The following SLC14A2 variants were observed in gnomAD, a reference collection of about 807,000 sequenced individuals.
The protein encoded by SLC14A2 is urea transporter 2.
Under a neutral mutation model 104.6 loss-of-function variants are expected in SLC14A2, and 91 were observed. The ratio of observed to expected loss-of-function variants is 0.87; its 90% confidence interval spans 0.73 to 1.04. The LOEUF is 1.04. Among genes scored for constraint, SLC14A2 ranks in the 50% least tolerant of loss-of-function variants. SLC14A2 has a pLI of 0.00. For missense variants in SLC14A2, 1,189 were observed against 1,156.0 expected (o/e 1.03, Z -0.41); for synonymous variants, 476 against 466.4 (o/e 1.02, Z -0.27).
At chr18:45,514,009 A>G (rs1470216145) in intron 2 of SLC14A2, among the ~76,000 whole-genome samples, 2 of 152,214 alleles carry the variant, frequency 1.3e-5, no homozygotes. Context: ...TACAGTTGCT[A>G]GTTTCATCTC....
chr18:45,626,838 GCTGAAT>G, intron 3 of SLC14A2, 114 bp from the exon 4 acceptor site: 1 of 699,912 alleles, frequency 1.4e-6, no homozygotes, highest in Non-Finnish European at 2.3e-6. Context: ...CCCTGGCCTG[GCTGAAT>G]GGGAAGGGTC....
intron 19 of SLC14A2, 40 bp from the exon 20 acceptor site, chr18:45,682,279 C>A (rs2046321351): frequency 6.3e-7 from 1 of 1,586,584 alleles, no homozygotes; most frequent in Non-Finnish European, 8.7e-7. Context: ...TGCACAGGCA[C>A]CTGATGTGAC....
chr18:45,380,482 C>T (rs563733350), intron 1 of SLC14A2, among the ~76,000 whole-genome samples: 1 of 152,218 alleles, frequency 6.6e-6, no homozygotes, highest in Admixed American at 6.5e-5. Flanking sequence ...AGATTGAATG[C>T]TATCAGAAAG....
intron 1 of SLC14A2, among the ~76,000 whole-genome samples, chr18:45,463,780 C>A (rs1335896298): frequency 6.6e-6 from 1 of 152,170 alleles, no homozygotes; most frequent in East Asian, 1.9e-4. Flanking sequence ...TATGGGCTAA[C>A]CTGCCATGTA....
intron 1 of SLC14A2, among the ~76,000 whole-genome samples, chr18:45,377,222 C>T (rs571489034): frequency 2.6e-5 from 4 of 152,052 alleles, no homozygotes; most frequent in Admixed American, 6.5e-5. Context: ...AGTGTCTCTT[C>T]TGGTTTCTGT....
intron 2 of SLC14A2, chr18:45,542,419 TGAA>T (rs986940406): frequency 5.3e-5 from 8 of 152,022 alleles, no homozygotes; most frequent in African/African-American, 1.7e-4. Flanking sequence ...AATGGAGAAA[TGAA>T]GAAGTTAGAT....
chr18:45,514,554 T>C (rs1053738187), intron 2 of SLC14A2, among the ~76,000 whole-genome samples: 2 of 152,222 alleles, frequency 1.3e-5, no homozygotes, highest in Non-Finnish European at 2.9e-5. Context: ...GAACTTGATG[T>C]ATTAGAAAAC....
chr18:45,522,656 T>C (rs2043532831), intron 2 of SLC14A2, among the ~76,000 whole-genome samples: 2 of 152,220 alleles, frequency 1.3e-5, no homozygotes, highest in South Asian at 4.1e-4. Flanking sequence ...GGAAATTCCA[T>C]TCATGTTCAT....
At chr18:45,557,661 C>G in intron 2 of SLC14A2, among the ~76,000 whole-genome samples, 1 of 152,292 alleles carries the variant, frequency 6.6e-6, no homozygotes, top group East Asian at 1.9e-4. Context: ...ATGTCAGAGG[C>G]CCCATATATT....
intron 1 of SLC14A2, among the ~76,000 whole-genome samples, chr18:45,291,085 C>T (rs1044120354): frequency 6.6e-6 from 1 of 152,186 alleles, no homozygotes; most frequent in African/African-American, 2.4e-5. Flanking sequence ...AGGCACTATA[C>T]AGACATGAAA....
intron 1 of SLC14A2, among the ~76,000 whole-genome samples, chr18:45,234,797 A>G (rs1568113009): frequency 6.6e-6 from 1 of 152,146 alleles, no homozygotes; most frequent in Non-Finnish European, 1.5e-5. Context: ...TTCTAATGGG[A>G]TGAATTATTT....
chr18:45,402,912 A>G (rs1336070956), intron 1 of SLC14A2, among the ~76,000 whole-genome samples: 1 of 152,244 alleles, frequency 6.6e-6, no homozygotes, highest in African/African-American at 2.4e-5. Context: ...GCACACTACT[A>G]GGAATGTTCT....
intron 1 of SLC14A2, among the ~76,000 whole-genome samples, chr18:45,294,249 A>G (rs2084899104): frequency 6.6e-6 from 1 of 152,210 alleles, no homozygotes. Context: ...TGATTAAGCA[A>G]GTATTACATT....
At chr18:45,398,159 G>C (rs1354871317) in intron 1 of SLC14A2, among the ~76,000 whole-genome samples, 1 of 152,144 alleles carries the variant, frequency 6.6e-6, no homozygotes, top group Non-Finnish European at 1.5e-5. Flanking sequence ...AATGAGGCAA[G>C]GCCCACACAG....
At chr18:45,257,090 A>T (rs2084486953) in intron 1 of SLC14A2, among the ~76,000 whole-genome samples, 1 of 152,226 alleles carries the variant, frequency 6.6e-6, no homozygotes, top group Non-Finnish European at 1.5e-5. Flanking sequence ...TTCTTTCCTG[A>T]TGCCTCTACC....
chr18:45,347,106 A>G (rs928495333), intron 1 of SLC14A2, among the ~76,000 whole-genome samples: 1 of 152,226 alleles, frequency 6.6e-6, no homozygotes, highest in African/African-American at 2.4e-5. Context: ...CTGTAATCCC[A>G]GCACTTTGAC....
chr18:45,556,327 G>T (rs1182854460), intron 2 of SLC14A2, among the ~76,000 whole-genome samples: 1 of 152,082 alleles, frequency 6.6e-6, no homozygotes, highest in Non-Finnish European at 1.5e-5. Flanking sequence ...TACCCTGCAG[G>T]TCTATGGTGT....
intron 1 of SLC14A2, among the ~76,000 whole-genome samples, chr18:45,302,760 C>T (rs7244863): frequency 0.072 from 10,899 of 152,222 alleles, 766 homozygotes; most frequent in African/African-American, 0.18. Flanking sequence ...TAGATGCCAT[C>T]TTTACTTATA....
intron 1 of SLC14A2, among the ~76,000 whole-genome samples, chr18:45,437,555 A>T (rs2086616934): frequency 6.6e-6 from 1 of 152,080 alleles, no homozygotes; most frequent in Non-Finnish European, 1.5e-5. Flanking sequence ...CCCTCATGTC[A>T]TGCGGTCTAT....
Sources: allele counts gnomAD v4.1 joint callset (sites outside exome capture counted in the v4.1 genomes callset), GRCh38; gene constraint gnomAD v4.1.1; transcripts MANE v1.5; gene names NCBI Gene and HGNC (gene_info 2026-07-23, HGNC 2026-07-21).